Variants in LZTFL1 observed in about 807,000 individuals in gnomAD.
LZTFL1 encodes leucine zipper transcription factor-like protein 1.
Under a neutral mutation model 45.9 loss-of-function variants are expected in LZTFL1, and 25 were observed. The observed-to-expected ratio is 0.54, with a 90% CI of 0.40 to 0.76. The LOEUF (loss-of-function observed/expected upper bound fraction) is 0.76, where lower values mean the gene tolerates loss of function less well. Among genes scored for constraint, LZTFL1 ranks in the 30% least tolerant of loss-of-function variants. The pLI is 0.00. For synonymous variants in LZTFL1, 93 were observed against 117.4 expected (o/e 0.79, Z 1.35); for missense variants, 277 against 331.1 (o/e 0.84, Z 1.27).
At chr3:45,883,614 C>A in intron 2 of LZTFL1, 1 of 370,452 alleles carries the variant, frequency 2.7e-6, no homozygotes, top group African/African-American at 2.1e-5. Flanking sequence ...ATTAATTCTT[C>A]AAAGTATAAG....
intron 2 of LZTFL1, among the ~76,000 whole-genome samples, chr3:45,885,178 G>C (rs1216588329): frequency 1.3e-5 from 2 of 152,176 alleles, no homozygotes; most frequent in African/African-American, 4.8e-5. Flanking sequence ...GGAGTACCAC[G>C]CCATGACAGA....
chr3:45,866,383 C>T (rs1370721849), intron 2 of LZTFL1, among the ~76,000 whole-genome samples: 1 of 152,054 alleles, frequency 6.6e-6, no homozygotes, highest in African/African-American at 2.4e-5. Context: ...AATTTAAAAG[C>T]CCCTACACTT....
rs943363629 is a variant in LZTFL1 at position 45,835,849 on chromosome 3, A to C, written c.129-65T>G. 9 of 1,184,638 alleles carry C rather than the reference A, an allele frequency of 7.6e-6. No individual in the cohort carries two copies. The African/African-American group carries it at 9.2e-5, about 12-fold the overall frequency. The allele number at this position is 1,184,638 out of a possible 1,614,324, so 73.4% of individuals were successfully genotyped here. A position where few individuals can be genotyped will look rare whatever the true frequency, so the allele number is the denominator to read the frequency against. ...CAAGAAAAATCTACAAAATACAGCA[A>C]AATTAAGAAACCCACATTCATGTAA... On this transcript the variant is annotated intron_variant, in intron 2 of 9. Transcript: ENST00000296135.
chr3:45,890,352 T>TATATATATAAC lies in LZTFL1; in HGVS notation c.-215+22767_-215+22768insGTTATATATAT, dbSNP rs1702138257. Among the ~76,000 whole-genome samples the TATATATATAAC allele has an allele frequency of 2.5e-4, 4 of 16,170 alleles. 1 individual carries two copies. The highest frequency in any genetic ancestry group is 9.9e-4 in the African/African-American group (4 of 4,032). The allele number at this position is 16,170 out of a possible 152,430, so 10.6% of individuals were successfully genotyped here. On this transcript the variant is annotated intron_variant, in intron 2 of 4. Coordinates refer to the LZTFL1 transcript ENST00000472635. ...ATATATATAACATATATATATAACATATATATATATATAACATATATAAAG... is the reference window on the plus strand; with the variant it reads ...ATATATATAACATATATATATAACATATATATATAACATATATATATATAACATATATAAAG...
chr3:45,871,683 T>C (rs1264626322), intron 2 of LZTFL1, among the ~76,000 whole-genome samples: 1 of 152,204 alleles, frequency 6.6e-6, no homozygotes, highest in African/African-American at 2.4e-5. Flanking sequence ...CATTTTTTTT[T>C]TTCCATAGAG....
chr3:45,897,520 C>A, intron 2 of LZTFL1: 1 of 1,363,932 alleles, frequency 7.3e-7, no homozygotes, highest in Non-Finnish European at 1.0e-6. Context: ...TCACCCAGGT[C>A]CTGGGATTTC....
At chr3:45,835,331 T>C (rs1396451747) in intron 3 of LZTFL1, 7 of 405,052 alleles carry the variant, frequency 1.7e-5, no homozygotes, top group African/African-American at 1.4e-4. Context: ...CTGTAAGAAA[T>C]AATTAATGAT....
intron 2 of LZTFL1, chr3:45,897,743 T>C: frequency 1.5e-6 from 1 of 655,038 alleles, no homozygotes; most frequent in South Asian, 2.0e-5. Flanking sequence ...GCATGCCCTC[T>C]TTCCTCCCTT....
chr3:45,914,744 A>C (rs563234397), intron 1 of LZTFL1, among the ~76,000 whole-genome samples: 1 of 152,158 alleles, frequency 6.6e-6, no homozygotes, highest in Non-Finnish European at 1.5e-5. Flanking sequence ...CAATACCTGA[A>C]ACTTTCATAA....
intron 2 of LZTFL1, among the ~76,000 whole-genome samples, chr3:45,885,115 C>T (rs1005461284): frequency 1.3e-5 from 2 of 152,206 alleles, no homozygotes; most frequent in African/African-American, 4.8e-5. Context: ...AGTGCACCTT[C>T]TGCATCCCTT....
intron 2 of LZTFL1, among the ~76,000 whole-genome samples, chr3:45,912,294 G>T (rs780728209): frequency 3.3e-5 from 5 of 152,216 alleles, no homozygotes; most frequent in Non-Finnish European, 7.3e-5. Context: ...AAGAAGGGAA[G>T]ATTATAGACT....
chr3:45,894,532 C>A (rs1223410570), intron 2 of LZTFL1, among the ~76,000 whole-genome samples: 1 of 152,138 alleles, frequency 6.6e-6, no homozygotes, highest in Admixed American at 6.5e-5. Flanking sequence ...GACAGACAAG[C>A]TGAATCAAGG....
At chr3:45,868,193 A>AAT (rs1559414147) in intron 2 of LZTFL1, among the ~76,000 whole-genome samples, 2 of 147,878 alleles carry the variant, frequency 1.4e-5, no homozygotes, top group Non-Finnish European at 1.5e-5. Flanking sequence ...ATATATATAA[A>AAT]TTTTTAAAAA....
At chr3:45,840,160 T>A (rs369213924) in intron 1 of LZTFL1, among the ~76,000 whole-genome samples, 1 of 152,316 alleles carries the variant, frequency 6.6e-6, no homozygotes, top group African/African-American at 2.4e-5. Context: ...AAGTTAAGAC[T>A]GTCCCAGGAC....
rs1398640235 is a variant in LZTFL1 at position 45,830,524 on chromosome 3, C to T, written c.600+389G>A. On this transcript the variant is annotated intron_variant, in intron 7 of 9. Transcript: ENST00000296135. ...AACCCAAATATAAACCAATTAAAAA[C>T]TTTTCTTTTCATTTTCTTTCCCCTC... 3.6e-4 allele frequency among the ~76,000 whole-genome samples: 54 copies of T among 152,036 alleles called. 1 individual carries two copies. The highest frequency in any genetic ancestry group is 3.5e-3 in the Admixed American group (53 of 15,258).
At chr3:45,913,204 T>G in intron 1 of LZTFL1, 1 of 1,447,826 alleles carries the variant, frequency 6.9e-7, no homozygotes, top group Non-Finnish European at 9.4e-7. Context: ...TTACACAAAT[T>G]AAACAATGCT....
Position 45,900,758 on chromosome 3 carries a change from G to A in LZTFL1, c.-215+12362C>T, listed in dbSNP as rs955817901. 3 of 1,557,816 alleles carry A rather than the reference G, an allele frequency of 1.9e-6. No individual in the cohort carries two copies. The highest frequency in any genetic ancestry group is 2.6e-6 in the Non-Finnish European group (3 of 1,151,576). ...AGGTCCATGCCTCTGCCATCAGACA[G>A]GACCTTCAAAATATTTTCCTTGACC... On this transcript the variant is annotated intron_variant, in intron 2 of 4. Coordinates refer to the LZTFL1 transcript ENST00000472635. The surrounding 1 kb of genome is among the most constrained non-coding windows in gnomAD (Gnocchi z 4.7).
intron 4 of LZTFL1, among the ~76,000 whole-genome samples, chr3:45,847,384 C>G (rs1701234942): frequency 6.6e-6 from 1 of 152,120 alleles, no homozygotes; most frequent in Admixed American, 6.5e-5. Flanking sequence ...TCCTCCACAG[C>G]ATTGACAATC....
intron 2 of LZTFL1, among the ~76,000 whole-genome samples, chr3:45,877,131 T>C (rs1183785823): frequency 6.6e-6 from 1 of 152,138 alleles, no homozygotes. Flanking sequence ...CGTGAAACTA[T>C]TGAAAAATAA....
Sources: allele counts gnomAD v4.1 joint callset (sites outside exome capture counted in the v4.1 genomes callset), GRCh38; gene constraint gnomAD v4.1.1; non-coding constraint Gnocchi (gnomAD v3.1); transcripts MANE v1.5; gene names NCBI Gene and HGNC (gene_info 2026-07-23, HGNC 2026-07-21).